The following FTCDNL1 variants were observed in gnomAD, a reference collection of about 807,000 sequenced individuals.
The protein encoded by FTCDNL1 is formiminotransferase cyclodeaminase N-terminal like, also known as formiminotransferase N-terminal subdomain-containing protein.
FTCDNL1 carries 11 observed loss-of-function variants against 5.9 expected under a neutral mutation model. The ratio of observed to expected loss-of-function variants is 1.87; its 90% confidence interval spans 1.18 to 3.10. FTCDNL1 has a LOEUF of 3.10. FTCDNL1 is among the 30% of genes most tolerant of loss of function. FTCDNL1 has a pLI of 0.00. For synonymous variants in FTCDNL1, 58 were observed against 24.8 expected, an observed-to-expected ratio of 2.34 and a Z score of -3.99; for missense variants, 115 against 65.5, an observed-to-expected ratio of 1.76 and a Z score of -2.61.
At chr2:199,752,947 C>T in the FTCDNL1 span, among the ~76,000 whole-genome samples, 2 of 152,066 alleles carry the variant, frequency 1.3e-5, no homozygotes, top group Non-Finnish European at 2.9e-5. Context: ...TCTCGTCTGA[C>T]ACAGCAGTGT....
the FTCDNL1 span, among the ~76,000 whole-genome samples, chr2:199,677,049 TC>T: frequency 6.6e-6 from 1 of 152,322 alleles, no homozygotes; most frequent in Non-Finnish European, 1.5e-5. Context: ...GCTGCTCTGC[TC>T]ATTGTGGTCA....
At chr2:199,846,627 A>C (rs2076740229) in intron 2 of FTCDNL1, among the ~76,000 whole-genome samples, 1 of 152,218 alleles carries the variant, frequency 6.6e-6, no homozygotes, top group South Asian at 2.1e-4. Flanking sequence ...ATTAGTGCCC[A>C]GAGCAGAGGT....
downstream of FTCDNL1, among the ~76,000 whole-genome samples, chr2:199,756,219 G>T (rs1698068040): frequency 6.6e-6 from 1 of 152,186 alleles, no homozygotes; most frequent in Admixed American, 6.5e-5. Context: ...GTGGATAGGT[G>T]AAAATATTAT....
chr2:199,749,642 T>C, the FTCDNL1 span, among the ~76,000 whole-genome samples: 1 of 152,218 alleles, frequency 6.6e-6, no homozygotes, highest in Non-Finnish European at 1.5e-5. Flanking sequence ...TCATTTTGCA[T>C]GGACTGATTC....
the FTCDNL1 span, among the ~76,000 whole-genome samples, chr2:199,733,946 G>GA: frequency 3.1e-3 from 454 of 144,314 alleles, no homozygotes; most frequent in Middle Eastern, 0.011. Context: ...TGGATTGAAG[G>GA]AAAAAAAAAA....
intron 3 of FTCDNL1, among the ~76,000 whole-genome samples, chr2:199,779,004 T>G (rs1433609052): frequency 6.6e-6 from 1 of 152,200 alleles, no homozygotes; most frequent in African/African-American, 2.4e-5. Flanking sequence ...TCTTTTTCCA[T>G]CAGATTATAA....
chr2:199,774,603 C>T (rs571111431), intron 3 of FTCDNL1, among the ~76,000 whole-genome samples: 64 of 152,182 alleles, frequency 4.2e-4, no homozygotes, highest in African/African-American at 1.0e-3. Context: ...CCAGGCAAAA[C>T]GGGTTTTAAG....
chr2:199,671,857 A>G, the FTCDNL1 span, among the ~76,000 whole-genome samples: 2 of 152,186 alleles, frequency 1.3e-5, no homozygotes, highest in Non-Finnish European at 2.9e-5. Context: ...CTGTCAGATC[A>G]AAGAACACAG....
chr2:199,848,307 C>T (rs1375070529), intron 2 of FTCDNL1, among the ~76,000 whole-genome samples: 1 of 152,120 alleles, frequency 6.6e-6, no homozygotes, highest in African/African-American at 2.4e-5. Context: ...TGATCTTAAG[C>T]GCATCATTTA....
chr2:199,835,600 A>G (rs1702677645), intron 3 of FTCDNL1, among the ~76,000 whole-genome samples: 2 of 152,166 alleles, frequency 1.3e-5, no homozygotes, highest in South Asian at 4.1e-4. Flanking sequence ...ACATCATTAT[A>G]TCATTTCTTC....
At chr2:199,801,186 G>A (rs1342379945) in intron 3 of FTCDNL1, among the ~76,000 whole-genome samples, 1 of 152,180 alleles carries the variant, frequency 6.6e-6, no homozygotes, top group African/African-American at 2.4e-5. Flanking sequence ...GTACTCCTGG[G>A]AGCCGTTCCT....
the FTCDNL1 span, among the ~76,000 whole-genome samples, chr2:199,691,813 T>C: frequency 9.2e-4 from 140 of 152,292 alleles, no homozygotes; most frequent in African/African-American, 3.2e-3. Flanking sequence ...CTTGATGAGA[T>C]TGATATTTAA....
At chr2:199,747,766 A>AT in the FTCDNL1 span, among the ~76,000 whole-genome samples, 4 of 152,062 alleles carry the variant, frequency 2.6e-5, no homozygotes, top group African/African-American at 9.7e-5. Flanking sequence ...AGAAGTCTCC[A>AT]TTTTCCAGCT....
chr2:199,688,842 G>A, the FTCDNL1 span, among the ~76,000 whole-genome samples: 1 of 152,100 alleles, frequency 6.6e-6, no homozygotes, highest in Non-Finnish European at 1.5e-5. Context: ...TTCATTTAAG[G>A]GCATTATGAT....
At chr2:199,710,345 T>C in the FTCDNL1 span, among the ~76,000 whole-genome samples, 1 of 152,122 alleles carries the variant, frequency 6.6e-6, no homozygotes, top group East Asian at 1.9e-4. Flanking sequence ...TGAGTTATGG[T>C]GCTGTTGGTC....
the FTCDNL1 span, among the ~76,000 whole-genome samples, chr2:199,739,917 C>T: frequency 1.3e-5 from 2 of 152,062 alleles, no homozygotes; most frequent in African/African-American, 4.8e-5. Flanking sequence ...CTCTGGAGGG[C>T]CTAGGATCCT....
the FTCDNL1 span, among the ~76,000 whole-genome samples, chr2:199,729,148 T>C: frequency 6.6e-6 from 1 of 152,216 alleles, no homozygotes; most frequent in Non-Finnish European, 1.5e-5. Flanking sequence ...AAGTTGAATA[T>C]ATAGAGAACA....
the FTCDNL1 span, among the ~76,000 whole-genome samples, chr2:199,725,888 T>C: frequency 6.6e-6 from 1 of 152,174 alleles, no homozygotes; most frequent in Admixed American, 6.5e-5. Context: ...TCATAGAGTA[T>C]CTTACTGGGG....
intron 3 of FTCDNL1, among the ~76,000 whole-genome samples, chr2:199,821,965 G>A (rs1019539164): frequency 1.3e-5 from 2 of 152,088 alleles, no homozygotes; most frequent in African/African-American, 4.8e-5. Context: ...AGCAAATATC[G>A]CTGGCAAATA....
Sources: gnomAD v4.1 joint callset for allele counts (sites outside exome capture counted in the v4.1 genomes callset) on GRCh38, gnomAD v4.1.1 for gene constraint, MANE v1.5 for transcripts, NCBI Gene and HGNC (gene_info 2026-07-23, HGNC 2026-07-21) for gene names.